DPP4: variants seen among roughly 807,000 people sequenced by gnomAD.
DPP4 encodes ADCP-2.
In DPP4, 93 loss-of-function variants were observed where a neutral mutation model predicts 122.4. That is an observed-to-expected ratio of 0.76 (90% CI 0.64 to 0.90). DPP4 has a LOEUF of 0.90. DPP4 is among the 40% of genes least tolerant of loss of function. The probability of loss-of-function intolerance (pLI) is 0.00; values close to 1 mark genes in which losing one functional copy is unlikely to be tolerated. For missense variants in DPP4, 914 were observed against 907.3 expected (o/e 1.01, Z -0.09); for synonymous variants, 321 against 302.9 (o/e 1.06, Z -0.62).
At chr2:162,067,992 AAGATAT>A (rs1685005158) in intron 2 of DPP4, among the ~76,000 whole-genome samples, 1 of 152,210 alleles carries the variant, frequency 6.6e-6, no homozygotes, top group Admixed American at 6.5e-5. Context: ...GTAAAAAGTC[AAGATAT>A]TAATATATCT....
At chr2:162,065,344 A>G (rs910019270) in intron 2 of DPP4, among the ~76,000 whole-genome samples, 2 of 152,226 alleles carry the variant, frequency 1.3e-5, no homozygotes, top group Admixed American at 6.5e-5. Context: ...TGCAGAAGCC[A>G]TGCTCAACCA....
At chr2:162,012,122 T>C in intron 19 of DPP4, 135 bp from the exon 20 acceptor site, 1 of 740,442 alleles carries the variant, frequency 1.4e-6, no homozygotes, top group Non-Finnish European at 2.1e-6. Flanking sequence ...CTATGGGGTG[T>C]CCAGAATGAG....
chr2:162,009,195 G>A (rs1347329934), intron 21 of DPP4, 46 bp downstream of exon 21: 1 of 1,578,830 alleles, frequency 6.3e-7, no homozygotes, highest in African/African-American at 1.3e-5. Context: ...TGCTCTGAGT[G>A]ATATTCACTA....
At chr2:162,016,707 C>T in intron 18 of DPP4, 61 bp downstream of exon 18, 4 of 1,076,190 alleles carry the variant, frequency 3.7e-6, no homozygotes, top group Non-Finnish European at 5.4e-6. Context: ...GATCGAATTA[C>T]TATAGTTAGA....
At position 162,046,921 on chromosome 2, in the gene DPP4, AC is replaced by A. The variant is rs1394710837; in HGVS notation, c.278del (p.Ser93IlefsTer24). 6.4e-7 allele frequency: 1 copy of A among 1,570,818 alleles called. No individual in the cohort carries two copies. Among genetic ancestry groups the A allele is most frequent in the African/African-American group, 1.4e-5 (1 of 74,030 alleles). ...ATTACGTGATTAAACATACAAATGTACTGTTCTCCAAGAAAACTGAGCTGTT... is the reference window on the plus strand; with the variant it reads ...ATTACGTGATTAAACATACAAATGTATGTTCTCCAAGAAAACTGAGCTGTT... ...YGNSSVFLEN[S>X]TFDEFGHSIN... On this transcript the variant is annotated frameshift_variant, in exon 4 of 26. Coordinates refer to ENST00000360534, the MANE Select transcript of DPP4 (RefSeq NM_001935.4). LOFTEE classifies it high-confidence loss of function.
chr2:162,025,781 G>A (rs1357671984), intron 10 of DPP4, among the ~76,000 whole-genome samples: 1 of 152,178 alleles, frequency 6.6e-6, no homozygotes, highest in Non-Finnish European at 1.5e-5. Context: ...TCGAGTGTCT[G>A]ATTGCAGCCT....
At position 162,019,224 on chromosome 2, in the gene DPP4, T is replaced by C. The variant is rs747240232; in HGVS notation, c.1297A>G (p.Lys433Glu). The change falls in exon 15 of 26, where the codon AAA (lysine) becomes GAA (glutamate). Residue 433 changes from lysine (K) to glutamate (E), a missense_variant and splice_region_variant. Transcript: ENST00000360534. The part of the protein sequence containing the change: ...KGMPGGRNLY[K>E]IQLSDYTKVT... ...TCAACAACTTGACAGAGCTCTTACT[T>C]ATAAAGATTCCTTCCTCCTGGCATT... is the stretch of plus-strand genomic sequence containing the variant. The C allele has an allele frequency of 6.3e-7, 1 of 1,597,434 alleles. No homozygotes were observed. Among genetic ancestry groups the C allele is most frequent in the Non-Finnish European group, 8.6e-7 (1 of 1,168,344 alleles).
At chr2:162,062,171 A>G (rs996729440) in intron 2 of DPP4, among the ~76,000 whole-genome samples, 2 of 152,166 alleles carry the variant, frequency 1.3e-5, no homozygotes, top group African/African-American at 4.8e-5. Flanking sequence ...AGTGCCAGCT[A>G]TCTGGGAGGC....
At chr2:162,022,004 A>T (rs1262942578) in intron 12 of DPP4, among the ~76,000 whole-genome samples, 1 of 152,154 alleles carries the variant, frequency 6.6e-6, no homozygotes, top group Non-Finnish European at 1.5e-5. Flanking sequence ...AAATCTTTAC[A>T]TTTTGGGGGT....
rs117794408 is a variant in DPP4 at position 162,068,133 on chromosome 2, G to A, written c.94+5266C>T. On this transcript the variant is annotated intron_variant, in intron 2 of 25. Transcript: ENST00000360534. ...ATTATTACTACTAATACTAAAAATC[G>A]AAACCATTCAAAAGCTTGAGATGTC... Among the ~76,000 whole-genome samples the A allele has an allele frequency of 1.7e-3, 253 of 152,182 alleles. 2 individuals carry two copies. The highest frequency in any genetic ancestry group is 0.012 in the South Asian group (58 of 4,814).
chr2:162,005,379 T>A (rs1444299481), intron 23 of DPP4, among the ~76,000 whole-genome samples: 4 of 152,212 alleles, frequency 2.6e-5, no homozygotes, highest in Non-Finnish European at 4.4e-5. Context: ...TTACTTATGA[T>A]AATACTGTAA....
intron 18 of DPP4, among the ~76,000 whole-genome samples, chr2:162,016,246 C>T (rs983053512): frequency 1.1e-4 from 16 of 152,090 alleles, no homozygotes; most frequent in African/African-American, 3.6e-4. Flanking sequence ...CTCAAAGAAA[C>T]CCATTGTTCT....
chr2:162,038,430 G>T lies in DPP4; in HGVS notation c.493-8C>A. On this transcript the variant is annotated splice_region_variant and splice_polypyrimidine_tract_variant and intron_variant, in intron 7 of 25. Coordinates refer to ENST00000360534, the MANE Select transcript of DPP4 (RefSeq NM_001935.4). ...ATTGTTCCAAACATATGCCTAGAAGGAAAAAAAACAAGCATTGATATCTAT... is the reference window on the plus strand; with the variant it reads ...ATTGTTCCAAACATATGCCTAGAAGTAAAAAAAACAAGCATTGATATCTAT... 4 of 1,585,994 alleles carry T rather than the reference G, an allele frequency of 2.5e-6. No homozygotes were observed. Among genetic ancestry groups the T allele is most frequent in the Non-Finnish European group, 3.4e-6 (4 of 1,169,940 alleles).
chr2:162,052,459 A>G (rs1684417848), intron 2 of DPP4, among the ~76,000 whole-genome samples: 1 of 152,218 alleles, frequency 6.6e-6, no homozygotes. Context: ...GCCTCACCAG[A>G]CACTGACCTG....
chr2:161,996,824 C>T (rs1427702868), intron 23 of DPP4, among the ~76,000 whole-genome samples: 1 of 152,014 alleles, frequency 6.6e-6, no homozygotes, highest in Non-Finnish European at 1.5e-5. Context: ...GGAAAAAAAC[C>T]ATAATGTATA....
chr2:162,072,389 G>A (rs1428048508), intron 2 of DPP4, among the ~76,000 whole-genome samples: 1 of 152,192 alleles, frequency 6.6e-6, no homozygotes, highest in African/African-American at 2.4e-5. Context: ...ATTAGCAGTA[G>A]GTCAACCCAT....
chr2:162,014,536 G>A (rs996403555), intron 18 of DPP4, 71 bp from the exon 19 acceptor site: 25 of 1,101,032 alleles, frequency 2.3e-5, no homozygotes, highest in Admixed American at 1.8e-4. Flanking sequence ...CCTCATGTCC[G>A]TCAGTAGCAA....
Position 162,020,750 on chromosome 2 carries a change from T to C in DPP4, c.1069-62A>G, listed in dbSNP as rs185657717. 278 of 1,288,992 alleles carry C rather than the reference T, an allele frequency of 2.2e-4. No individual in the cohort carries two copies. The African/African-American group carries it at 3.6e-3, about 17-fold the overall frequency. The allele number at this position is 1,288,992 out of a possible 1,614,324, so 79.8% of individuals were successfully genotyped here. ...CAGTGTCTCATCTCAGTACCAACTT[T>C]AGTTTTAGAAAGTCCTGTCCAATAC... On this transcript the variant is annotated intron_variant, in intron 12 of 25. Coordinates refer to ENST00000360534, the MANE Select transcript of DPP4 (RefSeq NM_001935.4).
At chr2:162,056,906 A>G (rs1216911470) in intron 2 of DPP4, among the ~76,000 whole-genome samples, 2 of 152,154 alleles carry the variant, frequency 1.3e-5, no homozygotes, top group Non-Finnish European at 2.9e-5. Flanking sequence ...TATTTTTCAG[A>G]CTTTTGCATT....
Sources: allele counts gnomAD v4.1 joint callset (sites outside exome capture counted in the v4.1 genomes callset), GRCh38; gene constraint gnomAD v4.1.1; transcripts MANE v1.5; gene names NCBI Gene and HGNC (gene_info 2026-07-23, HGNC 2026-07-21).